Variants in RAB8A observed in about 807,000 individuals in gnomAD.
RAB8A encodes ras-related protein Rab-8A.
RAB8A carries 5 observed loss-of-function variants against 29.2 expected under a neutral mutation model. The ratio of observed to expected loss-of-function variants is 0.17; its 90% CI spans 0.09 to 0.36. The LOEUF is 0.36. Ranked by LOEUF, RAB8A falls within the 10% of genes least tolerant of loss-of-function variation. The pLI is 1.00. For missense variants in RAB8A, 171 were observed against 272.2 expected, an observed-to-expected ratio of 0.63 and a Z score of 2.62; for synonymous variants, 108 against 99.9, an observed-to-expected ratio of 1.08 and a Z score of -0.49.
At chr19:16,131,353 A>G (rs961929544) in intron 7 of RAB8A, among the ~76,000 whole-genome samples, 10 of 152,320 alleles carry the variant, frequency 6.6e-5, no homozygotes, top group African/African-American at 2.2e-4. Flanking sequence ...GATGGGTAGA[A>G]GATAATGGAT....
chr19:16,119,869 A>G (rs187082348), intron 2 of RAB8A, among the ~76,000 whole-genome samples: 7 of 151,530 alleles, frequency 4.6e-5, no homozygotes, highest in African/African-American at 1.5e-4. Flanking sequence ...GCTGGAGTGC[A>G]GTGGCACGAT....
chr19:16,129,135 C>CA (rs1371080652), intron 6 of RAB8A, among the ~76,000 whole-genome samples: 3 of 149,154 alleles, frequency 2.0e-5, no homozygotes, highest in African/African-American at 4.9e-5. Flanking sequence ...ACCTAGGAGT[C>CA]AGAGACAAAG....
rs1288118307 is a variant in RAB8A at position 16,122,017 on chromosome 19, A to G, written c.246+207A>G. The G allele has an allele frequency of 3.9e-6, 2 of 516,130 alleles. No individual in the cohort carries two copies. Among genetic ancestry groups the G allele is most frequent in the Non-Finnish European group, 3.5e-6 (1 of 282,236 alleles). 32.0% of individuals were successfully genotyped at this position (516,130 alleles called of 1,614,324 possible). A position where few individuals can be genotyped will look rare whatever the true frequency, so the allele number is the denominator to read the frequency against. On this transcript the variant is annotated intron_variant, in intron 3 of 7. Transcript: ENST00000300935. This position sits in a 1 kb window ranked among gnomAD's most constrained non-coding sequence, Gnocchi z 4.7. ...ACCTCCCCTTCTGGCTGCAGAGACA[A>G]TGCAAGGTTTAAATAAAGTGGAAAC... is the stretch of plus-strand genomic sequence containing the variant.
Position 16,127,611 on chromosome 19 carries a change from AG to A in RAB8A, c.414+89del. 1 of 1,123,678 alleles carries A rather than the reference AG, an allele frequency of 8.9e-7. No individual in the cohort carries two copies. The highest frequency in any genetic ancestry group is 1.2e-6 in the Non-Finnish European group (1 of 813,128). The allele number at this position is 1,123,678 out of a possible 1,614,324, so 69.6% of individuals were successfully genotyped here. ...CCTTCCCCTGTCCCTCCTCTGCCCC[AG>A]GGGCCTGAGACGAGTTGGTCACCCC... On this transcript the variant is annotated intron_variant, in intron 5 of 7. Transcript: ENST00000300935. The surrounding 1 kb of genome is among the most constrained non-coding windows in gnomAD (Gnocchi z 4.8).
rs1379285173 is a variant in RAB8A, at chr19:16,112,299, C to T, written c.124+274C>T. The T allele has an allele frequency of 6.6e-6, 3 of 451,706 alleles. No homozygotes were observed. The South Asian group carries it at 7.2e-5, about 11-fold the overall frequency. 28.0% of individuals were successfully genotyped at this position (451,706 alleles called of 1,614,324 possible). A position where few individuals can be genotyped will look rare whatever the true frequency, so the allele number is the denominator to read the frequency against. On this transcript the variant is annotated intron_variant, in intron 1 of 7. Transcript: ENST00000300935. ...GTGTTATGTCTTGGGCTGGGGTCTTCGCGCCCGTCCTCTCGATCTGTCCTA... is the reference window on the plus strand; with the variant it reads ...GTGTTATGTCTTGGGCTGGGGTCTTTGCGCCCGTCCTCTCGATCTGTCCTA...
rs1244779269 is a variant in RAB8A, at chr19:16,129,485, G to T, written c.481-69G>T. On this transcript the variant is annotated intron_variant, in intron 6 of 7. Coordinates refer to ENST00000300935, the MANE Select transcript of RAB8A (RefSeq NM_005370.5). The stretch of plus-strand genomic sequence containing the variant: ...CCTGGGAAGCTGTCTCACCACACCC[G>T]CTGTACACGGGCGGCTGAGGACTCA... The T allele has an allele frequency of 4.0e-6, 6 of 1,497,770 alleles. No homozygotes were observed. The Admixed American group carries it at 5.0e-5, about 13-fold the overall frequency. The allele number at this position is 1,497,770 out of a possible 1,614,324, so 92.8% of individuals were successfully genotyped here.
chr19:16,116,521 T>G (rs1054425530), intron 1 of RAB8A, among the ~76,000 whole-genome samples: 1 of 152,180 alleles, frequency 6.6e-6, no homozygotes, highest in Non-Finnish European at 1.5e-5. Context: ...ATTTTTATTA[T>G]GCCAAAAAGA....
chr19:16,114,792 C>G (rs1232021278), intron 1 of RAB8A, among the ~76,000 whole-genome samples: 2 of 151,960 alleles, frequency 1.3e-5, no homozygotes, highest in East Asian at 3.9e-4. Context: ...GAGGTGGCAC[C>G]TGACCCTAAG....
Position 16,133,911 on chromosome 19 carries a change from G to C in RAB8A, c.*1607G>C, listed in dbSNP as rs570226244. ...AGCCTGGCCAACATGGTGAGCCTGC[G>C]TCACCTGGCTTCTGGCACACAGCTC... On this transcript the variant is annotated 3_prime_UTR_variant, in exon 8 of 8. Coordinates refer to ENST00000300935, the MANE Select transcript of RAB8A (RefSeq NM_005370.5). The C allele has an allele frequency of 6.6e-6, 1 of 152,446 alleles. No individual in the cohort carries two copies. The highest frequency in any genetic ancestry group is 2.4e-5 in the African/African-American group (1 of 41,562). The allele number at this position is 152,446 out of a possible 1,614,324, so 9.4% of individuals were successfully genotyped here.
At chr19:16,115,937 C>G (rs2090844168) in intron 1 of RAB8A, among the ~76,000 whole-genome samples, 1 of 152,192 alleles carries the variant, frequency 6.6e-6, no homozygotes, top group African/African-American at 2.4e-5. Flanking sequence ...CCAGCAGGCA[C>G]TTGAACAAAC....
Position 16,132,512 on chromosome 19 carries a change from A to G in RAB8A, c.*208A>G. 3 of 586,268 alleles carry G rather than the reference A, an allele frequency of 5.1e-6. No homozygotes were observed. Among genetic ancestry groups the G allele is most frequent in the South Asian group, 2.0e-5 (1 of 49,848 alleles). 36.3% of individuals were successfully genotyped at this position (586,268 alleles called of 1,614,324 possible). ...ACTTTGGAGATGGAATAAGTTAAAA[A>G]TTTGCTATTTTTCCTGTAACATCTG... On this transcript the variant is annotated 3_prime_UTR_variant, in exon 8 of 8. Transcript: ENST00000300935. This position sits in a 1 kb window ranked among gnomAD's most constrained non-coding sequence, Gnocchi z 5.6.
Position 16,133,861 on chromosome 19 carries a change from C to T in RAB8A, c.*1557C>T, listed in dbSNP as rs1418892896. 1 of 152,370 alleles carries T rather than the reference C, an allele frequency of 6.6e-6. No homozygotes were observed. The highest frequency in any genetic ancestry group is 1.9e-4 in the East Asian group (1 of 5,208). 9.4% of individuals were successfully genotyped at this position (152,370 alleles called of 1,614,324 possible). ...CTCTGGGAGGCCAAGGCGGGCTGAT[C>T]ACTTGAGCTCAGGTGTTCGAGACCA... is the stretch of plus-strand genomic sequence containing the variant. On this transcript the variant is annotated 3_prime_UTR_variant, in exon 8 of 8. Coordinates refer to ENST00000300935, the MANE Select transcript of RAB8A (RefSeq NM_005370.5).
rs1425435220 is a variant in RAB8A, at chr19:16,127,090, CG to C, written c.325-341del. On this transcript the variant is annotated intron_variant, in intron 4 of 7. Coordinates refer to ENST00000300935, the MANE Select transcript of RAB8A (RefSeq NM_005370.5). The surrounding 1 kb of genome is among the most constrained non-coding windows in gnomAD (Gnocchi z 4.8). Reference sequence around the variant, plus strand: ...GGGAGGGAAGGAGGAAAGCCAAGGTCGGGGGGTAAATATCTCAGCCTCACTC... The same window carrying C: ...GGGAGGGAAGGAGGAAAGCCAAGGTCGGGGGTAAATATCTCAGCCTCACTC... The C allele has an allele frequency of 4.4e-5, 8 of 180,002 alleles. 1 individual carries two copies. Among genetic ancestry groups the C allele is most frequent in the Non-Finnish European group, 6.9e-5 (6 of 86,644 alleles). The allele number at this position is 180,002 out of a possible 1,614,324, so 11.2% of individuals were successfully genotyped here. A position where few individuals can be genotyped will look rare whatever the true frequency, so the allele number is the denominator to read the frequency against.
chr19:16,113,555 C>A (rs1317060933), intron 1 of RAB8A, among the ~76,000 whole-genome samples: 1 of 152,136 alleles, frequency 6.6e-6, no homozygotes, highest in African/African-American at 2.4e-5. Flanking sequence ...GCACCCGCCA[C>A]CACGTCCAGC....
intron 2 of RAB8A, 23 bp downstream of exon 2, chr19:16,118,309 A>AT (rs1335334207): frequency 3.7e-6 from 6 of 1,602,868 alleles, no homozygotes; most frequent in Non-Finnish European, 5.1e-6. Context: ...GTTCTCTGTC[A>AT]TTCTCTCCAC....
At chr19:16,116,689 G>T (rs2090847052) in intron 1 of RAB8A, among the ~76,000 whole-genome samples, 1 of 152,114 alleles carries the variant, frequency 6.6e-6, no homozygotes, top group Non-Finnish European at 1.5e-5. Flanking sequence ...AGAAAAATTA[G>T]CTGGGCATGG....
At chr19:16,118,948 G>T (rs996713748) in intron 2 of RAB8A, among the ~76,000 whole-genome samples, 1 of 152,202 alleles carries the variant, frequency 6.6e-6, no homozygotes, top group Non-Finnish European at 1.5e-5. Context: ...GGTATAGTGG[G>T]GTCCTGCCCT....
intron 6 of RAB8A, 113 bp downstream of exon 6, chr19:16,128,204 T>C: frequency 6.1e-6 from 7 of 1,141,488 alleles, no homozygotes; most frequent in Non-Finnish European, 8.9e-6. Context: ...AGCCTCGGGC[T>C]CAGGGCTGCC....
intron 6 of RAB8A, 38 bp from the exon 7 acceptor site, chr19:16,129,516 C>G (rs988328056): frequency 1.2e-6 from 2 of 1,607,902 alleles, no homozygotes; most frequent in African/African-American, 2.7e-5. Context: ...ACTCAGGGTC[C>G]TGCCATCCCA....
Sources: gnomAD v4.1 joint callset for allele counts (sites outside exome capture counted in the v4.1 genomes callset) on GRCh38, gnomAD v4.1.1 for gene constraint, Gnocchi (gnomAD v3.1) non-coding constraint, MANE v1.5 for transcripts, NCBI Gene and HGNC (gene_info 2026-07-23, HGNC 2026-07-21) for gene names.